LRRC49: variants seen among roughly 807,000 people sequenced by gnomAD.
LRRC49 encodes the protein leucine-rich repeat-containing protein 49.
A neutral mutation model predicts 83.3 loss-of-function variants in LRRC49; 50 were observed. The observed-to-expected ratio is 0.60, with a 90% CI of 0.48 to 0.76. The LOEUF (loss-of-function observed/expected upper bound fraction) is 0.76. Ranked by LOEUF, LRRC49 falls within the 30% of genes least tolerant of loss-of-function variation. The pLI, the probability that LRRC49 is intolerant of heterozygous loss-of-function variation, is 0.00. For missense variants in LRRC49, 704 were observed against 809.1 expected (o/e 0.87, Z 1.58); for synonymous variants, 286 against 283.3 (o/e 1.01, Z -0.10).
At chr15:70,987,346 T>G (rs2037665187) in intron 11 of LRRC49, among the ~76,000 whole-genome samples, 1 of 152,250 alleles carries the variant, frequency 6.6e-6, no homozygotes, top group African/African-American at 2.4e-5. Context: ...AGTCAACTTC[T>G]TCCTGGTTTA....
intron 2 of LRRC49, among the ~76,000 whole-genome samples, chr15:70,885,185 A>G (rs1464907626): frequency 6.6e-6 from 1 of 152,210 alleles, no homozygotes; most frequent in Non-Finnish European, 1.5e-5. Context: ...CTAGAACATG[A>G]GTCAAAAGAA....
At chr15:71,016,349 C>T (rs941597341) in intron 14 of LRRC49, among the ~76,000 whole-genome samples, 1 of 151,740 alleles carries the variant, frequency 6.6e-6, no homozygotes, top group South Asian at 2.1e-4. Context: ...ATGTCAAAAC[C>T]TCTGGGATGT....
At chr15:70,997,154 C>T (rs1437703372) in intron 11 of LRRC49, among the ~76,000 whole-genome samples, 1 of 152,160 alleles carries the variant, frequency 6.6e-6, no homozygotes, top group Non-Finnish European at 1.5e-5. Flanking sequence ...AAGTCTCCAA[C>T]TATTATTGTA....
chr15:70,956,803 T>C (rs1242608727), intron 8 of LRRC49, among the ~76,000 whole-genome samples: 1 of 152,216 alleles, frequency 6.6e-6, no homozygotes, highest in Non-Finnish European at 1.5e-5. Context: ...AGGAATCTTC[T>C]GGATCAAATA....
chr15:70,982,337 G>T (rs555778456), intron 10 of LRRC49, among the ~76,000 whole-genome samples: 2 of 152,064 alleles, frequency 1.3e-5, no homozygotes, highest in South Asian at 4.2e-4. Flanking sequence ...CCTTGATACT[G>T]AGTAAAAAAA....
intron 14 of LRRC49, among the ~76,000 whole-genome samples, chr15:71,035,935 T>C (rs1258669902): frequency 6.6e-6 from 1 of 152,188 alleles, no homozygotes; most frequent in Admixed American, 6.5e-5. Context: ...TCCACAATGG[T>C]TGAACTAATT....
intron 7 of LRRC49, among the ~76,000 whole-genome samples, chr15:70,925,663 A>G (rs1280754604): frequency 2.6e-5 from 4 of 152,310 alleles, no homozygotes; most frequent in East Asian, 3.9e-4. Context: ...AGAAAATCCC[A>G]TATACAATAA....
chr15:70,969,059 T>G (rs554625124), intron 9 of LRRC49, among the ~76,000 whole-genome samples: 18 of 152,310 alleles, frequency 1.2e-4, no homozygotes, highest in African/African-American at 4.1e-4. Context: ...TCTTCGCCCA[T>G]GCCTATGTCC....
chr15:71,001,704 T>G (rs535129941), intron 11 of LRRC49, among the ~76,000 whole-genome samples: 12 of 152,266 alleles, frequency 7.9e-5, no homozygotes, highest in Admixed American at 2.6e-4. Context: ...ATTTTTTTTT[T>G]TGTGAGACGG....
At chr15:70,858,970 C>T (rs1031419392) in intron 1 of LRRC49, 73 of 844,698 alleles carry the variant, frequency 8.6e-5, no homozygotes, top group Admixed American at 7.3e-4. Context: ...AACATCCAGG[C>T]TCTACACACC....
intron 8 of LRRC49, among the ~76,000 whole-genome samples, chr15:70,955,028 C>T (rs753063211): frequency 3.3e-5 from 5 of 151,988 alleles, no homozygotes; most frequent in Non-Finnish European, 7.4e-5. Context: ...GGGAGGCACT[C>T]CAGCTTGGGG....
chr15:70,970,258 C>G (rs561758243), intron 9 of LRRC49, among the ~76,000 whole-genome samples: 3 of 152,222 alleles, frequency 2.0e-5, no homozygotes, highest in African/African-American at 7.2e-5. Context: ...GTCATTGGTT[C>G]TGTTTATGTG....
In LRRC49 at chr15:70,984,185, A is replaced by G; in HGVS notation, c.1097A>G (p.Lys366Arg). 1.2e-6 allele frequency: 2 copies of G among 1,613,538 alleles called. No homozygotes were observed. The highest frequency in any genetic ancestry group is 1.7e-6 in the Non-Finnish European group (2 of 1,179,622). Residue 366 changes from lysine (K) to arginine (R), a missense_variant, in exon 11 of 16, where the codon AAA (lysine) becomes AGA (arginine). Around this residue, in one of 3 missense-constraint regions of LRRC49, gnomAD observed 168 missense variants for 140.6 expected, o/e 1.20. Transcript: ENST00000260382. ...AATATTGCTACAAATGAAGATAGAAAAGATTCTGACTCTCCTCAGGACCCC... is the reference window on the plus strand; with the variant it reads ...AATATTGCTACAAATGAAGATAGAAGAGATTCTGACTCTCCTCAGGACCCC... ...VANIATNEDRKDSDSPQDPCQ... is the reference protein window; with the variant it reads ...VANIATNEDRRDSDSPQDPCQ...
At chr15:70,990,908 C>T (rs915264684) in intron 11 of LRRC49, among the ~76,000 whole-genome samples, 4 of 152,210 alleles carry the variant, frequency 2.6e-5, no homozygotes, top group Non-Finnish European at 5.9e-5. Flanking sequence ...TTAAACTTCA[C>T]ATGTTCCAAA....
intron 14 of LRRC49, among the ~76,000 whole-genome samples, 187 bp from the exon 15 acceptor site, chr15:71,036,992 G>T (rs1475106748): frequency 6.6e-6 from 1 of 151,978 alleles, no homozygotes; most frequent in Non-Finnish European, 1.5e-5. Context: ...AAAAATAATT[G>T]GGGCTGAATA....
intron 8 of LRRC49, among the ~76,000 whole-genome samples, chr15:70,938,847 G>A (rs543296939): frequency 1.8e-4 from 27 of 152,164 alleles, no homozygotes; most frequent in Non-Finnish European, 3.8e-4. Context: ...AATACCAGTG[G>A]TCTGTGTTAT....
intron 11 of LRRC49, among the ~76,000 whole-genome samples, chr15:71,006,739 A>C (rs1346554799): frequency 1.3e-5 from 2 of 152,130 alleles, no homozygotes; most frequent in African/African-American, 4.8e-5. Flanking sequence ...GATATAGATA[A>C]GGCAACAAGT....
intron 7 of LRRC49, among the ~76,000 whole-genome samples, chr15:70,923,929 G>A (rs183459873): frequency 6.6e-6 from 1 of 151,918 alleles, no homozygotes; most frequent in Admixed American, 6.6e-5. Context: ...TATAACAACA[G>A]TACCACTATC....
At chr15:71,030,059 A>G (rs1447194219) in intron 14 of LRRC49, among the ~76,000 whole-genome samples, 1 of 152,210 alleles carries the variant, frequency 6.6e-6, no homozygotes, top group Non-Finnish European at 1.5e-5. Context: ...TGATTCTCTC[A>G]TCATGATACT....
Sources: allele counts gnomAD v4.1 joint callset (sites outside exome capture counted in the v4.1 genomes callset), GRCh38; gene constraint gnomAD v4.1.1; regional missense constraint gnomAD v4.1.1; transcripts MANE v1.5; gene names NCBI Gene and HGNC (gene_info 2026-07-23, HGNC 2026-07-21).